The following DIRAS2 variants were observed in gnomAD, a reference collection of about 807,000 sequenced individuals.
DIRAS2 encodes DIRAS family GTPase 2.
A neutral mutation model predicts 13.9 loss-of-function variants in DIRAS2; 5 were observed. The ratio of observed to expected loss-of-function variants is 0.36; its 90% CI spans 0.19 to 0.76. The LOEUF is 0.76. Among genes scored for constraint, DIRAS2 ranks in the 30% least tolerant of loss-of-function variants. The pLI, the probability that DIRAS2 is intolerant of heterozygous loss-of-function variation, is 0.53. For synonymous variants in DIRAS2, 111 were observed against 105.4 expected, an observed-to-expected ratio of 1.05 and a Z score of -0.33; for missense variants, 191 against 263.0, an observed-to-expected ratio of 0.73 and a Z score of 1.89.
chr9:90,636,144 TCTC>T (rs201671911), intron 1 of DIRAS2, among the ~76,000 whole-genome samples: 6,237 of 145,836 alleles, frequency 0.043, 197 homozygotes, highest in Admixed American at 0.067. Flanking sequence ...TTCACGCCAT[TCTC>T]CTGCCTCAGC....
chr9:90,622,461 G>GT (rs35016699), intron 1 of DIRAS2, among the ~76,000 whole-genome samples: 25,021 of 143,884 alleles, frequency 0.17, 2,134 homozygotes, highest in South Asian at 0.27. Flanking sequence ...TTTTTCCGGA[G>GT]TTTTTTTTTT....
At chr9:90,627,638 G>A (rs552897857) in intron 1 of DIRAS2, among the ~76,000 whole-genome samples, 4 of 152,218 alleles carry the variant, frequency 2.6e-5, no homozygotes, top group Admixed American at 6.5e-5. Context: ...TTTACTTACT[G>A]CCACTGAATT....
intron 1 of DIRAS2, among the ~76,000 whole-genome samples, chr9:90,629,408 A>G (rs1825303210): frequency 6.6e-6 from 1 of 152,154 alleles, no homozygotes; most frequent in Non-Finnish European, 1.5e-5. Context: ...AAAGGCAAAA[A>G]TCCACGAGCC....
At position 90,613,323 on chromosome 9, in the gene DIRAS2, C is replaced by G; in HGVS notation, c.505G>C (p.Glu169Gln). 6.2e-7 allele frequency: 1 copy of G among 1,614,012 alleles called. No individual in the cohort carries two copies. Among genetic ancestry groups the G allele is most frequent in the East Asian group, 2.2e-5 (1 of 44,840 alleles). Residue 169 changes from glutamate (E) to glutamine (Q), a missense_variant, in exon 2 of 2, where the codon GAG (glutamate) becomes CAG (glutamine). Coordinates refer to ENST00000375765, the MANE Select transcript of DIRAS2 (RefSeq NM_017594.5). The surrounding 1 kb of genome is among the most constrained non-coding windows in gnomAD (Gnocchi z 5.6). ...TGGAGACTCACGGTCCTGCGCTTCT[C>G]CAGGTTGAGCAGCTCCTGGAAAAGC... Reference protein sequence around the residue: ...KELFQELLNLEKRRTVSLQID... With the variant: ...KELFQELLNLQKRRTVSLQID...
intron 1 of DIRAS2, among the ~76,000 whole-genome samples, chr9:90,638,576 C>T (rs1825391206): frequency 2.6e-5 from 4 of 152,040 alleles, no homozygotes. Flanking sequence ...TAGTCAATCC[C>T]TTTTTAAGTG....
Position 90,613,581 on chromosome 9 carries a change from T to C in DIRAS2, c.247A>G (p.Ile83Val), listed in dbSNP as rs1564017978. 1 of 1,614,138 alleles carries C rather than the reference T, an allele frequency of 6.2e-7. No individual in the cohort carries two copies. Among genetic ancestry groups the C allele is most frequent in the East Asian group, 2.2e-5 (1 of 44,864 alleles). The change falls in exon 2 of 2, where the codon ATC becomes GTC. Residue 83 changes from isoleucine (I) to valine (V), a missense_variant. Ile to Val is a conservative substitution (Grantham distance 29, BLOSUM62 3). Coordinates refer to ENST00000375765, the MANE Select transcript of DIRAS2 (RefSeq NM_017594.5). The surrounding 1 kb of genome is among the most constrained non-coding windows in gnomAD (Gnocchi z 5.6). ...RLSISKGHAF[I>V]LVYSITSRQS... ...CGGCTGGTAATGGAGTACACCAGGA[T>C]GAAGGCGTGCCCTTTGGAGATGGAC...
At position 90,630,018 on chromosome 9, in the gene DIRAS2, C is replaced by T. The variant is rs1825309339; in HGVS notation, c.-37+12734G>A. On this transcript the variant is annotated intron_variant, in intron 1 of 1. Transcript: ENST00000375765. ...ATGATTCTCTTTCAACAATAAGATA[C>T]TTTGATACATATATTCTTCTTTCAG... is the stretch of plus-strand genomic sequence containing the variant. Among the ~76,000 whole-genome samples the T allele has an allele frequency of 2.0e-5, 3 of 152,198 alleles. No individual in the cohort carries two copies. The South Asian group carries it at 6.2e-4, about 31-fold the overall frequency.
chr9:90,629,550 G>T (rs752046534), intron 1 of DIRAS2, among the ~76,000 whole-genome samples: 2 of 151,880 alleles, frequency 1.3e-5, no homozygotes, highest in Non-Finnish European at 2.9e-5. Context: ...ACTGCTGACG[G>T]TGTGAAAAAA....
chr9:90,613,675 G>A lies in DIRAS2; in HGVS notation c.153C>T (p.Asp51=), dbSNP rs2231775. Residue 51 remains aspartate (D), a synonymous_variant, in exon 2 of 2, where the codon GAC becomes GAT. Coordinates refer to ENST00000375765, the MANE Select transcript of DIRAS2 (RefSeq NM_017594.5). The surrounding 1 kb of genome is among the most constrained non-coding windows in gnomAD (Gnocchi z 5.6). The stretch of plus-strand genomic sequence containing the variant: ...TGATCTGCAATGTGCATATGCTCTT[G>A]TCACAGCTGATCACTTGCCGGTAGG... ...EDTYRQVISC[D]KSICTLQITD... 3.0e-3 allele frequency: 4,770 copies of A among 1,614,126 alleles called. 131 individuals carry two copies. The African/African-American group carries it at 0.056, about 19-fold the overall frequency.
chr9:90,635,569 C>G (rs1212365398), intron 1 of DIRAS2, among the ~76,000 whole-genome samples: 1 of 152,166 alleles, frequency 6.6e-6, no homozygotes, highest in Non-Finnish European at 1.5e-5. Context: ...ACAACTACAC[C>G]ACGAGGTCAA....
intron 1 of DIRAS2, among the ~76,000 whole-genome samples, chr9:90,626,754 T>C (rs1024876309): frequency 2.6e-5 from 4 of 152,216 alleles, no homozygotes; most frequent in Non-Finnish European, 4.4e-5. Flanking sequence ...AATTCCACTT[T>C]TGCTGGAAAA....
At chr9:90,628,053 C>T (rs1825288807) in intron 1 of DIRAS2, among the ~76,000 whole-genome samples, 1 of 151,864 alleles carries the variant, frequency 6.6e-6, no homozygotes, top group African/African-American at 2.4e-5. Context: ...AAAAAAATAG[C>T]AAAGGTCTCA....
At chr9:90,617,473 G>T (rs1228900282) in intron 1 of DIRAS2, among the ~76,000 whole-genome samples, 1 of 152,328 alleles carries the variant, frequency 6.6e-6, no homozygotes, top group East Asian at 1.9e-4. Context: ...GCTATTGAGA[G>T]AACTTGGCAA....
At chr9:90,622,468 T>C (rs1438556317) in intron 1 of DIRAS2, among the ~76,000 whole-genome samples, 3 of 152,048 alleles carry the variant, frequency 2.0e-5, no homozygotes, top group Non-Finnish European at 2.9e-5. Context: ...GGAGTTTTTT[T>C]TTTTTTCCTC....
chr9:90,633,194 C>T (rs2118578093), intron 1 of DIRAS2, among the ~76,000 whole-genome samples: 1 of 152,210 alleles, frequency 6.6e-6, no homozygotes, highest in African/African-American at 2.4e-5. Context: ...GTCAAGTGGA[C>T]AATTTGGTCA....
rs1232060935 is a variant in DIRAS2 at position 90,612,265 on chromosome 9, C to A, written c.*963G>T. The stretch of plus-strand genomic sequence containing the variant: ...TGACACTACAAAAATGGATGTGCTT[C>A]TGGTTGTCTGATGGCCTTTGCTGGC... On this transcript the variant is annotated 3_prime_UTR_variant, in exon 2 of 2. Transcript: ENST00000375765. The A allele has an allele frequency of 6.6e-6, 1 of 152,530 alleles. No individual in the cohort carries two copies. Among genetic ancestry groups the A allele is most frequent in the Non-Finnish European group, 1.5e-5 (1 of 68,028 alleles). 9.4% of individuals were successfully genotyped at this position (152,530 alleles called of 1,614,324 possible).
rs1192493999 is a variant in DIRAS2, at chr9:90,610,126, C to T, written c.*3102G>A. On this transcript the variant is annotated 3_prime_UTR_variant, in exon 2 of 2. Coordinates refer to ENST00000375765, the MANE Select transcript of DIRAS2 (RefSeq NM_017594.5). ...GTGTCCTATTAGTTGTAGATATTTC[C>T]AGAGAACTTATGTAGAAGCAACACA... The T allele has an allele frequency of 7.2e-6, 2 of 278,888 alleles. No individual in the cohort carries two copies. Among genetic ancestry groups the T allele is most frequent in the Non-Finnish European group, 1.3e-5 (2 of 152,402 alleles). 17.3% of individuals were successfully genotyped at this position (278,888 alleles called of 1,614,324 possible).
chr9:90,633,852 C>A (rs1054163060), intron 1 of DIRAS2, among the ~76,000 whole-genome samples: 1 of 152,158 alleles, frequency 6.6e-6, no homozygotes, highest in Non-Finnish European at 1.5e-5. Flanking sequence ...GAGAAGTAAG[C>A]ATAAAACGTA....
At chr9:90,620,078 G>A (rs1456018411) in intron 1 of DIRAS2, among the ~76,000 whole-genome samples, 3 of 152,084 alleles carry the variant, frequency 2.0e-5, no homozygotes. Context: ...TAGGTACAAG[G>A]TTTCTTTGGG....
Sources: gnomAD v4.1 joint callset for allele counts (sites outside exome capture counted in the v4.1 genomes callset) on GRCh38, gnomAD v4.1.1 for gene constraint, Gnocchi (gnomAD v3.1) non-coding constraint, MANE v1.5 for transcripts, NCBI Gene and HGNC (gene_info 2026-07-23, HGNC 2026-07-21) for gene names.